Variants in BRD1 observed in about 807,000 individuals in gnomAD.
The protein encoded by BRD1 is bromodomain containing 1, also known as bromodomain-containing protein 1.
A neutral mutation model predicts 107.7 loss-of-function variants in BRD1; 24 were observed. The observed-to-expected ratio is 0.22, with a 90% confidence interval of 0.16 to 0.31. The LOEUF (loss-of-function observed/expected upper bound fraction) is 0.31, where lower values mean the gene tolerates loss of function less well. BRD1 is among the 10% of genes least tolerant of loss of function. The probability of loss-of-function intolerance (pLI) is 1.00; values close to 1 mark genes in which losing one functional copy is unlikely to be tolerated. For missense variants in BRD1, 1,279 were observed against 1,638.6 expected (o/e 0.78, Z 3.79); for synonymous variants, 744 against 686.1 (o/e 1.08, Z -1.32).
In BRD1 at chr22:49,824,665, G is replaced by A; in HGVS notation, c.-14-334C>T. The A allele has an allele frequency of 1.8e-6, 2 of 1,120,548 alleles. No individual in the cohort carries two copies. Among genetic ancestry groups the A allele is most frequent in the Non-Finnish European group, 2.2e-6 (2 of 911,956 alleles). 69.4% of individuals were successfully genotyped at this position (1,120,548 alleles called of 1,614,324 possible). A position where few individuals can be genotyped will look rare whatever the true frequency, so the allele number is the denominator to read the frequency against. On this transcript the variant is annotated intron_variant, in intron 1 of 12. Transcript: ENST00000404760. This position sits in a 1 kb window ranked among gnomAD's most constrained non-coding sequence, Gnocchi z 5.9. ...ACGCTCCCCAAGGAGGAGGGGTCCGGCCCAGAGCCCACAGTTGCAGGACTT... is the reference window on the plus strand; with the variant it reads ...ACGCTCCCCAAGGAGGAGGGGTCCGACCCAGAGCCCACAGTTGCAGGACTT...
chr22:49,807,398 C>T lies in BRD1; in HGVS notation c.1368-3038G>A, dbSNP rs113829234. Among the ~76,000 whole-genome samples, 286 of 152,264 alleles carry T rather than the reference C, an allele frequency of 1.9e-3. 2 individuals are homozygous for T. Among genetic ancestry groups the T allele is most frequent in the African/African-American group, 6.3e-3 (262 of 41,544 alleles). On this transcript the variant is annotated intron_variant, in intron 2 of 12. Transcript: ENST00000404760. ...CAAAGCTACGGTCATCAAAACAGTG[C>T]GGTGCTGACGAAAGGACACACATAT...
intron 2 of BRD1, among the ~76,000 whole-genome samples, chr22:49,819,055 TGA>T (rs2060011896): frequency 6.9e-6 from 1 of 145,260 alleles, no homozygotes; most frequent in East Asian, 2.1e-4. Context: ...GTCACGAGTT[TGA>T]GACCATCCTG....
Position 49,799,041 on chromosome 22 carries a change from C to A in BRD1, c.1603G>T (p.Ala535Ser), listed in dbSNP as rs548074999. 3.7e-6 allele frequency: 6 copies of A among 1,611,246 alleles called. No homozygotes were observed. The highest frequency in any genetic ancestry group is 5.1e-6 in the Non-Finnish European group (6 of 1,179,896). The change falls in exon 4 of 13, where the codon GCT becomes TCT. Residue 535 changes from alanine to serine, a missense_variant. Ala to Ser is a moderately conservative substitution (Grantham distance 99). Transcript: ENST00000404760. ...CGCAGCAGCTCGATCAGCAGGCGAG[C>A]GCGCTCCAGGTCGTGCCGCAGCCGC... ...WQRLRHDLER[A>S]RLLIELLRKR...
intron 1 of BRD1, chr22:49,826,411 C>T (rs1201752176): frequency 3.4e-5 from 9 of 261,096 alleles, no homozygotes; most frequent in Non-Finnish European, 6.0e-6. Flanking sequence ...CCGCTTCCCC[C>T]CTGGGCCGGT....
chr22:49,820,067 T>A (rs576784528), intron 2 of BRD1, among the ~76,000 whole-genome samples: 3 of 151,524 alleles, frequency 2.0e-5, no homozygotes, highest in Non-Finnish European at 4.4e-5. Context: ...GAGGTGGAGG[T>A]TGCAGTGAGC....
At chr22:49,806,583 C>T (rs2059748634) in intron 2 of BRD1, 1 of 152,214 alleles carries the variant, frequency 6.6e-6, no homozygotes, top group Non-Finnish European at 1.5e-5. Flanking sequence ...CATATGACAA[C>T]CACAGAAAGC....
chr22:49,774,542 C>A (rs1477954419), intron 12 of BRD1, 126 bp from the exon 13 acceptor site: 2 of 1,069,284 alleles, frequency 1.9e-6, no homozygotes, highest in Non-Finnish European at 2.7e-6. Context: ...ACCACCAAGA[C>A]AGCTGGGCCC....
chr22:49,812,251 A>C (rs1255860739), intron 2 of BRD1, among the ~76,000 whole-genome samples: 1 of 152,140 alleles, frequency 6.6e-6, no homozygotes. Context: ...CTGTCCACAA[A>C]GACGATCCAA....
chr22:49,823,407 G>C lies in BRD1; in HGVS notation c.911C>G (p.Ala304Gly), dbSNP rs2060106510. The C allele has an allele frequency of 6.2e-7, 1 of 1,612,900 alleles. No homozygotes were observed. Among genetic ancestry groups the C allele is most frequent in the Non-Finnish European group, 8.5e-7 (1 of 1,180,014 alleles). Residue 304 changes from alanine to glycine, a missense_variant, in exon 2 of 13, where the codon GCC becomes GGC. Physicochemically the swap from Ala to Gly is moderately conservative, Grantham distance 60 (BLOSUM62 0). Coordinates refer to ENST00000404760, the MANE Select transcript of BRD1 (RefSeq NM_001304808.3). ...GATGGGCTCGATGAACACCGTGTTG[G>C]CAAAGCCGACCTCTGGGATCCACAG... Reference protein sequence around the residue: ...CALWIPEVGFANTVFIEPIDG... With the variant: ...CALWIPEVGFGNTVFIEPIDG...
At chr22:49,778,173 CGGG>C (rs2146938089) in intron 8 of BRD1, among the ~76,000 whole-genome samples, 1 of 152,280 alleles carries the variant, frequency 6.6e-6, no homozygotes, top group East Asian at 1.9e-4. Flanking sequence ...AGTGCAAACA[CGGG>C]GGCGGCCTGT....
intron 2 of BRD1, chr22:49,805,319 C>T (rs2059720570): frequency 6.6e-6 from 1 of 152,282 alleles, no homozygotes; most frequent in Non-Finnish European, 1.5e-5. Flanking sequence ...GAACACTCAC[C>T]AGACCCAGAA....
intron 8 of BRD1, among the ~76,000 whole-genome samples, chr22:49,779,852 C>A (rs1353465202): frequency 6.6e-6 from 1 of 152,134 alleles, no homozygotes; most frequent in African/African-American, 2.4e-5. Context: ...ACGGACGGAG[C>A]CCAGCACCCC....
chr22:49,821,629 GT>G (rs2060068141), intron 2 of BRD1, among the ~76,000 whole-genome samples: 1 of 150,720 alleles, frequency 6.6e-6, no homozygotes, highest in Non-Finnish European at 1.5e-5. Flanking sequence ...TTGAGACACA[GT>G]TTCACTCTGT....
intron 7 of BRD1, 84 bp downstream of exon 7, chr22:49,793,950 C>T: frequency 6.6e-7 from 1 of 1,518,956 alleles, no homozygotes; most frequent in East Asian, 2.3e-5. Context: ...AACGCTGCTG[C>T]CCGTGTCTGG....
intron 3 of BRD1, among the ~76,000 whole-genome samples, chr22:49,799,400 G>A (rs989283799): frequency 6.6e-6 from 1 of 152,228 alleles, no homozygotes; most frequent in African/African-American, 2.4e-5. Context: ...AGAGAGGACA[G>A]AGGCCTCCGC....
chr22:49,798,259 C>A, intron 5 of BRD1, 142 bp from the exon 6 acceptor site: 1 of 991,510 alleles, frequency 1.0e-6, no homozygotes, highest in Non-Finnish European at 1.5e-6. Flanking sequence ...ACATAAGACC[C>A]AAGTACTGCA....
Position 49,794,176 on chromosome 22 carries a change from C to T in BRD1, c.2217G>A (p.Lys739=). 6.2e-7 allele frequency: 1 copy of T among 1,614,240 alleles called. No individual in the cohort carries two copies. The highest frequency in any genetic ancestry group is 8.5e-7 in the Non-Finnish European group (1 of 1,180,052). ...CAMKSSGSRS[K]RAKLLKKEIA... is the part of the protein sequence containing the mutation. ...TTTCCTTTTTGAGCAGCTTTGCCCG[C>T]TTGCTCCGGGAGCCGCTGGACTTCA... Residue 739 remains lysine (K), a synonymous_variant, in exon 7 of 13, where the codon AAG becomes AAA. Coordinates refer to ENST00000404760, the MANE Select transcript of BRD1 (RefSeq NM_001304808.3).
At chr22:49,800,977 A>C (rs562008888) in intron 3 of BRD1, among the ~76,000 whole-genome samples, 1 of 152,296 alleles carries the variant, frequency 6.6e-6, no homozygotes, top group South Asian at 2.1e-4. Flanking sequence ...AGTGTTACAG[A>C]GTGGCCGACC....
intron 12 of BRD1, among the ~76,000 whole-genome samples, chr22:49,774,799 C>T (rs919499355): frequency 3.9e-5 from 6 of 152,242 alleles, no homozygotes; most frequent in Non-Finnish European, 5.9e-5. Flanking sequence ...GTGTGGGCCT[C>T]GCTCAAGGCC....
Sources: gnomAD v4.1 joint callset for allele counts (sites outside exome capture counted in the v4.1 genomes callset) on GRCh38, gnomAD v4.1.1 for gene constraint, Gnocchi (gnomAD v3.1) non-coding constraint, MANE v1.5 for transcripts, NCBI Gene and HGNC (gene_info 2026-07-23, HGNC 2026-07-21) for gene names.